The following ROBO1 variants were observed in gnomAD, a reference collection of about 807,000 sequenced individuals.
ROBO1 encodes the protein roundabout homolog 1.
Under a neutral mutation model 195.9 loss-of-function variants are expected in ROBO1, and 149 were observed. That is an observed-to-expected ratio of 0.76 (90% CI 0.67 to 0.87). The LOEUF is 0.87. ROBO1 is among the 40% of genes least tolerant of loss of function. ROBO1 has a pLI of 0.00. For missense variants in ROBO1, 1,933 were observed against 2,068.3 expected, an observed-to-expected ratio of 0.93 and a Z score of 1.27; for synonymous variants, 816 against 733.2, an observed-to-expected ratio of 1.11 and a Z score of -1.82.
chr3:79,116,415 T>G (rs1340290522), intron 3 of ROBO1, among the ~76,000 whole-genome samples: 1 of 149,096 alleles, frequency 6.7e-6, no homozygotes, highest in African/African-American at 2.5e-5. Context: ...CCTTCCTTCC[T>G]TCTCTATTTT....
chr3:79,504,539 T>C (rs1559948493), intron 2 of ROBO1, among the ~76,000 whole-genome samples: 1 of 152,164 alleles, frequency 6.6e-6, no homozygotes, highest in Non-Finnish European at 1.5e-5. Context: ...ACTAAATACA[T>C]GATGTCCGCA....
intron 3 of ROBO1, among the ~76,000 whole-genome samples, chr3:78,957,642 G>T (rs992467092): frequency 6.6e-6 from 1 of 152,134 alleles, no homozygotes; most frequent in Non-Finnish European, 1.5e-5. Flanking sequence ...ACCCTGAGGC[G>T]CATAGCTGCT....
At chr3:78,618,136 C>G (rs897932922) in intron 26 of ROBO1, 95 bp from the exon 27 acceptor site, 21 of 1,313,512 alleles carry the variant, frequency 1.6e-5, no homozygotes, top group Non-Finnish European at 2.2e-5. Context: ...GCAGATTTGA[C>G]CTTTACTTCT....
chr3:79,105,419 C>G (rs904313394), intron 3 of ROBO1, among the ~76,000 whole-genome samples: 1 of 151,596 alleles, frequency 6.6e-6, no homozygotes, highest in Non-Finnish European at 1.5e-5. Context: ...CGATTGTACA[C>G]CTGTTAGTCT....
chr3:78,768,784 T>G (rs2108410656), intron 4 of ROBO1, among the ~76,000 whole-genome samples: 1 of 151,326 alleles, frequency 6.6e-6, no homozygotes, highest in South Asian at 2.1e-4. Context: ...GCATTAGGTA[T>G]ATCTCCCAAT....
intron 2 of ROBO1, among the ~76,000 whole-genome samples, chr3:79,418,761 T>C (rs1415091271): frequency 6.6e-6 from 1 of 152,120 alleles, no homozygotes; most frequent in Non-Finnish European, 1.5e-5. Flanking sequence ...GACATAACCA[T>C]GCCCACAAAT....
At chr3:78,953,475 G>T (rs550875892) in intron 3 of ROBO1, among the ~76,000 whole-genome samples, 2 of 152,122 alleles carry the variant, frequency 1.3e-5, no homozygotes, top group South Asian at 4.1e-4. Context: ...TATGAATTGT[G>T]TTAAGCATTG....
chr3:78,678,597 C>T (rs1237960314), intron 10 of ROBO1, among the ~76,000 whole-genome samples: 1 of 152,104 alleles, frequency 6.6e-6, no homozygotes, highest in African/African-American at 2.4e-5. Flanking sequence ...AATTCCTCGA[C>T]ACATACACTC....
intron 4 of ROBO1, chr3:78,938,341 TA>T: frequency 2.4e-6 from 1 of 420,980 alleles, no homozygotes; most frequent in Non-Finnish European, 4.3e-6. Context: ...ACAATTTTAA[TA>T]AAACTTTCCA....
At chr3:78,798,920 G>A (rs2084267807) in intron 4 of ROBO1, among the ~76,000 whole-genome samples, 1 of 152,160 alleles carries the variant, frequency 6.6e-6, no homozygotes, top group South Asian at 2.1e-4. Context: ...AAGCTGGGAA[G>A]AGACATTTAG....
intron 1 of ROBO1, among the ~76,000 whole-genome samples, chr3:79,590,931 T>A (rs1943980033): frequency 6.6e-6 from 1 of 151,680 alleles, no homozygotes; most frequent in African/African-American, 2.4e-5. Context: ...TTTGCCAGAA[T>A]GTAATGTGAT....
At position 79,301,195 on chromosome 3, in the gene ROBO1, G is replaced by A. The variant is rs368641403; in HGVS notation, c.89-175656C>T. On this transcript the variant is annotated intron_variant, in intron 2 of 30. Coordinates refer to ENST00000464233, the MANE Select transcript of ROBO1 (RefSeq NM_002941.4). ...TCTGCAGCTTCACTCCTGAGCCAGC[G>A]AGACCACGAACCCACCAGAAGAAAA... is the stretch of plus-strand genomic sequence containing the variant. Among the ~76,000 whole-genome samples, 249 of 152,140 alleles carry A rather than the reference G, an allele frequency of 1.6e-3. 1 individual carries two copies. Among genetic ancestry groups the A allele is most frequent in the African/African-American group, 5.6e-3 (232 of 41,492 alleles).
intron 2 of ROBO1, among the ~76,000 whole-genome samples, chr3:79,503,491 G>A (rs1048230108): frequency 5.9e-5 from 9 of 152,080 alleles, no homozygotes; most frequent in African/African-American, 1.7e-4. Flanking sequence ...GAAGTGATAC[G>A]GCAACTACCA....
At chr3:79,021,651 A>ATTTTTTTT (rs71127372) in intron 3 of ROBO1, among the ~76,000 whole-genome samples, 3 of 76,906 alleles carry the variant, frequency 3.9e-5, no homozygotes, top group African/African-American at 1.6e-4. Context: ...CCTAGAGATG[A>ATTTTTTTT]TTTTTTTTTT....
At chr3:79,445,624 G>A (rs1481927260) in intron 2 of ROBO1, among the ~76,000 whole-genome samples, 2 of 150,078 alleles carry the variant, frequency 1.3e-5, no homozygotes, top group South Asian at 2.1e-4. Flanking sequence ...ACCCTCCCGA[G>A]TAGCTGGGAC....
Position 79,585,538 on chromosome 3 carries a change from T to A in ROBO1, c.88+4286A>T, listed in dbSNP as rs536489007. 3.9e-5 allele frequency among the ~76,000 whole-genome samples: 6 copies of A among 152,082 alleles called. 1 individual carries two copies. The East Asian group carries it at 7.7e-4, about 20-fold the overall frequency. On this transcript the variant is annotated intron_variant, in intron 2 of 30. Transcript: ENST00000464233. The stretch of plus-strand genomic sequence containing the variant: ...AAAGCGAAATAAACCAGTAGTGGCA[T>A]CAAATCTGCTCCTCCAAATCCTTGC...
At chr3:79,505,743 A>T (rs552037497) in intron 2 of ROBO1, among the ~76,000 whole-genome samples, 1 of 152,238 alleles carries the variant, frequency 6.6e-6, no homozygotes, top group African/African-American at 2.4e-5. Context: ...ACAGGCAGAC[A>T]AATAATGATA....
chr3:78,927,735 T>C (rs1412098544), intron 4 of ROBO1, among the ~76,000 whole-genome samples: 1 of 152,206 alleles, frequency 6.6e-6, no homozygotes. Context: ...ACACAGACCA[T>C]GTACTGATAT....
intron 3 of ROBO1, among the ~76,000 whole-genome samples, chr3:79,020,429 C>T (rs1033694631): frequency 1.3e-5 from 2 of 152,222 alleles, no homozygotes; most frequent in African/African-American, 2.4e-5. Flanking sequence ...CTGTGGCTCA[C>T]ACCTGTAATC....
Sources: allele counts gnomAD v4.1 joint callset (sites outside exome capture counted in the v4.1 genomes callset), GRCh38; gene constraint gnomAD v4.1.1; transcripts MANE v1.5; gene names NCBI Gene and HGNC (gene_info 2026-07-23, HGNC 2026-07-21).